The following ZFHX4 variants were observed in gnomAD, a reference collection of about 807,000 sequenced individuals.
ZFHX4 encodes the protein zinc finger homeobox protein 4.
In ZFHX4, 56 loss-of-function variants were observed where a neutral mutation model predicts 267.6. The ratio of observed to expected loss-of-function variants is 0.21; its 90% CI spans 0.17 to 0.26. The LOEUF is 0.26. ZFHX4 is among the 10% of genes least tolerant of loss of function. The pLI, the probability that ZFHX4 is intolerant of heterozygous loss-of-function variation, is 1.00. For synonymous variants in ZFHX4, 1,778 were observed against 1,665.6 expected, an observed-to-expected ratio of 1.07 and a Z score of -1.64; for missense variants, 4,332 against 4,420.0, an observed-to-expected ratio of 0.98 and a Z score of 0.56.
chr8:76,743,811 C>A (rs535595201), intron 3 of ZFHX4, among the ~76,000 whole-genome samples: 1 of 152,316 alleles, frequency 6.6e-6, no homozygotes, highest in Admixed American at 6.5e-5. Context: ...ATTTCAGTAA[C>A]TTCCAAAGGC....
At position 76,852,067 on chromosome 8, in the gene ZFHX4, C is replaced by T; in HGVS notation, c.5146C>T (p.Pro1716Ser). ...AAFFQPQFLN[P>S]AFLPHFPMTP... ...ATTCTTTCAGCCTCAGTTTCTAAACCCAGCCTTTTTGCCTCATTTTCCTAT... is the reference window on the plus strand; with the variant it reads ...ATTCTTTCAGCCTCAGTTTCTAAACTCAGCCTTTTTGCCTCATTTTCCTAT... Residue 1716 changes from proline (P) to serine (S), a missense_variant, in exon 10 of 11, where the codon CCA (proline) becomes TCA (serine). Physicochemically the swap from Pro to Ser is moderately conservative, Grantham distance 74 (BLOSUM62 -1). This residue lies in a region of ZFHX4 where 1,371 missense variants were observed against 1,423.1 expected (regional missense o/e 0.96). Coordinates refer to ENST00000651372, the MANE Select transcript of ZFHX4 (RefSeq NM_024721.5). 1 of 1,613,970 alleles carries T rather than the reference C, an allele frequency of 6.2e-7. No homozygotes were observed. The highest frequency in any genetic ancestry group is 8.5e-7 in the Non-Finnish European group (1 of 1,179,880).
At chr8:76,769,660 G>A (rs574703539) in intron 3 of ZFHX4, among the ~76,000 whole-genome samples, 1 of 152,244 alleles carries the variant, frequency 6.6e-6, no homozygotes, top group East Asian at 1.9e-4. Context: ...CCTAGAATTT[G>A]ATAAGTTTTC....
In ZFHX4 at chr8:76,833,397, T is replaced by C. The variant is rs1039776769; in HGVS notation, c.3385T>C (p.Ser1129Pro). Residue 1129 changes from serine (S) to proline (P), a missense_variant, in exon 5 of 11, where the codon TCG becomes CCG. Around this residue, in one of 7 missense-constraint regions of ZFHX4, gnomAD observed 1,371 missense variants for 1,423.1 expected, o/e 0.96. Coordinates refer to ENST00000651372, the MANE Select transcript of ZFHX4 (RefSeq NM_024721.5). ...TGATCTTACAGAGCAGCAGTTGAGATCGACCTCAGGTAATGGTTCCTACTC... is the reference window on the plus strand; with the variant it reads ...TGATCTTACAGAGCAGCAGTTGAGACCGACCTCAGGTAATGGTTCCTACTC... ...DDDLTEQQLRSTSEEQSEEAE... is the reference protein window; with the variant it reads ...DDDLTEQQLRPTSEEQSEEAE... 7 of 1,608,534 alleles carry C rather than the reference T, an allele frequency of 4.4e-6. No individual in the cohort carries two copies. In the Admixed American group the frequency reaches 6.7e-5, roughly 15 times the overall value.
intron 1 of ZFHX4, among the ~76,000 whole-genome samples, chr8:76,698,796 G>C (rs1199974621): frequency 6.6e-5 from 10 of 152,076 alleles, no homozygotes; most frequent in Admixed American, 6.6e-4. Flanking sequence ...AATATATTTG[G>C]TTACATCCTT....
intron 4 of ZFHX4, among the ~76,000 whole-genome samples, chr8:76,814,704 T>C (rs1811459274): frequency 6.6e-6 from 1 of 152,150 alleles, no homozygotes; most frequent in Non-Finnish European, 1.5e-5. Flanking sequence ...AATCTTACCA[T>C]GTATTCAGGT....
intron 3 of ZFHX4, among the ~76,000 whole-genome samples, chr8:76,731,546 G>A (rs370972335): frequency 2.6e-5 from 4 of 152,096 alleles, no homozygotes; most frequent in African/African-American, 9.7e-5. Flanking sequence ...GTGAGTACAT[G>A]GGTTTGAGTG....
At chr8:76,842,824 A>G in intron 6 of ZFHX4, 53 bp downstream of exon 6, 2 of 1,307,092 alleles carry the variant, frequency 1.5e-6, no homozygotes, top group Non-Finnish European at 2.1e-6. Context: ...ATTCCCTGCC[A>G]TCAACTCTTC....
At chr8:76,751,111 C>T (rs1421432055) in intron 3 of ZFHX4, among the ~76,000 whole-genome samples, 2 of 152,060 alleles carry the variant, frequency 1.3e-5, no homozygotes. Context: ...CTTGGAAGCC[C>T]TTGGAATTCA....
At chr8:76,786,484 T>C (rs1010049233) in intron 4 of ZFHX4, among the ~76,000 whole-genome samples, 13 of 151,860 alleles carry the variant, frequency 8.6e-5, no homozygotes, top group African/African-American at 2.9e-4. Flanking sequence ...TTAGGTTTGA[T>C]AAGACACAAG....
At chr8:76,837,708 A>G (rs1282520048) in intron 5 of ZFHX4, among the ~76,000 whole-genome samples, 3 of 152,290 alleles carry the variant, frequency 2.0e-5, no homozygotes, top group East Asian at 1.9e-4. Flanking sequence ...ACAAAGATGG[A>G]TAAGATATTC....
chr8:76,731,675 C>T (rs2131663036), intron 3 of ZFHX4, among the ~76,000 whole-genome samples: 1 of 151,994 alleles, frequency 6.6e-6, no homozygotes, highest in East Asian at 1.9e-4. Flanking sequence ...TTGTTTCACA[C>T]TTTCAGTATT....
Position 76,855,968 on chromosome 8 carries a change from A to T in ZFHX4, c.9047A>T (p.Tyr3016Phe), listed in dbSNP as rs200107204. 290 of 1,613,846 alleles carry T rather than the reference A, an allele frequency of 1.8e-4. 11 individuals are homozygous for T. Among genetic ancestry groups the T allele is most frequent in the Admixed American group, 7.8e-4 (47 of 60,014 alleles). The stretch of plus-strand genomic sequence containing the variant: ...GAGTGTACCCTCTGCGGGGTGAAGT[A>T]CTCTGCCCGCTTGTCCATCAGAGAT... ...KPECTLCGVK[Y>F]SARLSIRDHI... The change falls in exon 10 of 11, where the codon TAC becomes TTC. Residue 3016 changes from tyrosine (Y) to phenylalanine (F), a missense_variant. Tyr to Phe is a conservative substitution (Grantham distance 22, BLOSUM62 3). Coordinates refer to ENST00000651372, the MANE Select transcript of ZFHX4 (RefSeq NM_024721.5).
intron 4 of ZFHX4, among the ~76,000 whole-genome samples, chr8:76,786,738 T>A (rs892857995): frequency 6.6e-6 from 1 of 152,180 alleles, no homozygotes; most frequent in Non-Finnish European, 1.5e-5. Flanking sequence ...AAGCCCTGAA[T>A]AATTGTGTTC....
chr8:76,711,991 C>T (rs1808436801), intron 3 of ZFHX4, among the ~76,000 whole-genome samples: 1 of 152,214 alleles, frequency 6.6e-6, no homozygotes, highest in Non-Finnish European at 1.5e-5. Context: ...GAGGTGTTCA[C>T]AGCTTTGCTT....
At chr8:76,688,069 T>C (rs1490282759) in intron 1 of ZFHX4, among the ~76,000 whole-genome samples, 1 of 152,172 alleles carries the variant, frequency 6.6e-6, no homozygotes, top group Non-Finnish European at 1.5e-5. Context: ...GTAATGTGTA[T>C]GACAATAGTG....
intron 3 of ZFHX4, among the ~76,000 whole-genome samples, chr8:76,762,923 ATAT>A (rs1393755406): frequency 6.6e-6 from 1 of 152,174 alleles, no homozygotes; most frequent in Non-Finnish European, 1.5e-5. Flanking sequence ...AAGCAAAGAG[ATAT>A]TATTCTTTCT....
At chr8:76,801,832 A>C (rs2131827854) in intron 4 of ZFHX4, among the ~76,000 whole-genome samples, 1 of 152,292 alleles carries the variant, frequency 6.6e-6, no homozygotes, top group South Asian at 2.1e-4. Context: ...TATGAGTCAA[A>C]AATATGCGTG....
chr8:76,691,788 G>T lies in ZFHX4; in HGVS notation c.-47+10168G>T, dbSNP rs181288371. 4.6e-5 allele frequency among the ~76,000 whole-genome samples: 7 copies of T among 152,188 alleles called. No homozygotes were observed. In the East Asian group the frequency reaches 1.4e-3, roughly 29 times the overall value. On this transcript the variant is annotated intron_variant, in intron 1 of 10. Transcript: ENST00000651372. ...AAGTGTTGTGAACATTAAAATAAGT[G>T]ATTGTGGGCAGGACCTGATAACTGA...
intron 5 of ZFHX4, among the ~76,000 whole-genome samples, chr8:76,834,674 T>A (rs959571607): frequency 1.3e-5 from 2 of 152,102 alleles, no homozygotes; most frequent in African/African-American, 4.8e-5. Flanking sequence ...ATTTTCCAAA[T>A]CTTTCCTTCC....
Sources: gnomAD v4.1 joint callset for allele counts (sites outside exome capture counted in the v4.1 genomes callset) on GRCh38, gnomAD v4.1.1 for gene constraint, gnomAD v4.1.1 regional missense constraint, MANE v1.5 for transcripts, NCBI Gene and HGNC (gene_info 2026-07-23, HGNC 2026-07-21) for gene names.